The following RBFOX1 variants were observed in gnomAD, a reference collection of about 807,000 sequenced individuals.
RBFOX1 encodes the protein RNA binding protein fox-1 homolog 1.
Under a neutral mutation model 57.7 loss-of-function variants are expected in RBFOX1, and 8 were observed. That is an observed-to-expected ratio of 0.14 (90% CI 0.08 to 0.25). The LOEUF is 0.25. Among genes scored for constraint, RBFOX1 ranks in the 10% least tolerant of loss-of-function variants. The probability of loss-of-function intolerance (pLI) is 1.00; values close to 1 mark genes in which losing one functional copy is unlikely to be tolerated. For missense variants in RBFOX1, 611 were observed against 548.5 expected, an observed-to-expected ratio of 1.11 and a Z score of -1.14; for synonymous variants, 326 against 222.4, an observed-to-expected ratio of 1.47 and a Z score of -4.15.
chr16:7,074,993 A>G (rs1197330235), intron 4 of RBFOX1, among the ~76,000 whole-genome samples: 1 of 152,152 alleles, frequency 6.6e-6, no homozygotes, highest in African/African-American at 2.4e-5. Context: ...AAGGGAAGTC[A>G]AAGGGTGAGA....
intron 3 of RBFOX1, among the ~76,000 whole-genome samples, chr16:6,767,947 T>TAATAATAATAATAATAAG (rs1410744665): frequency 6.9e-5 from 7 of 101,042 alleles, no homozygotes; most frequent in Admixed American, 2.0e-4. Flanking sequence ...ATAATAATAA[T>TAATAATAATAATAATAAG]AAGAAGAAGA....
intron 3 of RBFOX1, among the ~76,000 whole-genome samples, chr16:6,724,922 T>C (rs1205850555): frequency 6.6e-6 from 1 of 152,152 alleles, no homozygotes; most frequent in Non-Finnish European, 1.5e-5. Flanking sequence ...CTGTAGCATT[T>C]GTAAACTGTC....
At chr16:7,040,959 A>G (rs1405909242) in intron 3 of RBFOX1, among the ~76,000 whole-genome samples, 1 of 151,458 alleles carries the variant, frequency 6.6e-6, no homozygotes, top group Non-Finnish European at 1.5e-5. Flanking sequence ...TCTGTCCCCC[A>G]GGCTGGAGTG....
At chr16:5,644,224 GT>G (rs1312882167) in intron 3 of RBFOX1, among the ~76,000 whole-genome samples, 1 of 152,150 alleles carries the variant, frequency 6.6e-6, no homozygotes, top group African/African-American at 2.4e-5. Context: ...TTTAAAAAAA[GT>G]AAATTGGGGC....
intron 5 of RBFOX1, among the ~76,000 whole-genome samples, chr16:7,539,386 C>G (rs1466273983): frequency 6.6e-6 from 1 of 152,110 alleles, no homozygotes; most frequent in East Asian, 1.9e-4. Flanking sequence ...TCATCTCTCT[C>G]TATTCCCAGT....
chr16:6,447,595 T>A (rs1356115934), intron 2 of RBFOX1, among the ~76,000 whole-genome samples: 1 of 152,210 alleles, frequency 6.6e-6, no homozygotes, highest in African/African-American at 2.4e-5. Flanking sequence ...TGTCGCTATA[T>A]GCATATGAAT....
intron 3 of RBFOX1, among the ~76,000 whole-genome samples, chr16:7,034,848 C>CTTTTTTCTTTTTTTTTTTTTTTT (rs2043889136): frequency 3.2e-5 from 1 of 30,830 alleles, no homozygotes; most frequent in Admixed American, 4.4e-4. Context: ...TTTCTTTTTT[C>CTTTTTTCTTTTTTTTTTTTTTTT]TTTTTTTTTT....
chr16:6,882,047 GTGA>G (rs2063049803), intron 3 of RBFOX1, among the ~76,000 whole-genome samples: 2 of 152,116 alleles, frequency 1.3e-5, no homozygotes, highest in Non-Finnish European at 2.9e-5. Context: ...TGGAAAAATG[GTGA>G]TGTCAGTCTT....
intron 2 of RBFOX1, among the ~76,000 whole-genome samples, chr16:6,642,094 G>C (rs992856737): frequency 1.3e-5 from 2 of 152,132 alleles, no homozygotes; most frequent in Non-Finnish European, 2.9e-5. Context: ...TATGTTTTAG[G>C]TGCTGGGGTC....
At chr16:6,184,920 A>G (rs1402371230) in intron 1 of RBFOX1, among the ~76,000 whole-genome samples, 1 of 152,140 alleles carries the variant, frequency 6.6e-6, no homozygotes, top group Non-Finnish European at 1.5e-5. Flanking sequence ...TAGTTCCAAG[A>G]TGGATTGCAA....
At chr16:7,457,565 C>A in intron 4 of RBFOX1, among the ~76,000 whole-genome samples, 1 of 152,128 alleles carries the variant, frequency 6.6e-6, no homozygotes, top group East Asian at 1.9e-4. Flanking sequence ...CCCTGGAGCT[C>A]TTTGATGCTC....
At chr16:5,377,665 CG>C (rs541448539) in intron 1 of RBFOX1, among the ~76,000 whole-genome samples, 95 of 151,274 alleles carry the variant, frequency 6.3e-4, no homozygotes, top group Non-Finnish European at 1.1e-3. Flanking sequence ...GAGGCAGAGA[CG>C]GAAGTTGAAT....
chr16:6,280,959 G>C (rs754520615), intron 1 of RBFOX1, among the ~76,000 whole-genome samples: 7 of 149,764 alleles, frequency 4.7e-5, no homozygotes, highest in Non-Finnish European at 8.8e-5. Context: ...ACATATGTGT[G>C]TGTGTGTGTA....
At chr16:5,309,620 A>G (rs1398469765) in intron 1 of RBFOX1, among the ~76,000 whole-genome samples, 1 of 152,180 alleles carries the variant, frequency 6.6e-6, no homozygotes, top group Non-Finnish European at 1.5e-5. Context: ...TGAATAGTGT[A>G]CATTGTACCT....
chr16:6,674,157 T>C (rs111639957), intron 3 of RBFOX1, among the ~76,000 whole-genome samples: 11 of 152,102 alleles, frequency 7.2e-5, no homozygotes, highest in African/African-American at 2.4e-4. Context: ...TTGAATAGAG[T>C]CCTCCAGAAA....
intron 2 of RBFOX1, among the ~76,000 whole-genome samples, chr16:6,624,839 C>G (rs1286666538): frequency 6.6e-6 from 1 of 152,056 alleles, no homozygotes; most frequent in Non-Finnish European, 1.5e-5. Flanking sequence ...TATAACCCCC[C>G]ATGTAAGACC....
chr16:6,263,578 A>G (rs1028452999), intron 1 of RBFOX1, among the ~76,000 whole-genome samples: 1 of 152,242 alleles, frequency 6.6e-6, no homozygotes, highest in East Asian at 1.9e-4. Flanking sequence ...CTTGTGCCCA[A>G]TTCAACAAGA....
At chr16:6,753,287 G>A (rs933237417) in intron 3 of RBFOX1, among the ~76,000 whole-genome samples, 2 of 152,176 alleles carry the variant, frequency 1.3e-5, no homozygotes, top group Admixed American at 6.5e-5. Flanking sequence ...ATATATGGAT[G>A]TTTGCTGTAA....
At position 6,200,945 on chromosome 16, in the gene RBFOX1, GTT is replaced by G. The variant is rs58118698; in HGVS notation, c.-126-116036_-126-116035del. On this transcript the variant is annotated intron_variant, in intron 1 of 15. Transcript: ENST00000550418. ...GAGTTTTCGGTGTTAACTTAGTGAG[GTT>G]TTTTTTTTTTTTTAAGTGAAATCGA... Among the ~76,000 whole-genome samples, 1,329 of 135,518 alleles carry G rather than the reference GTT, an allele frequency of 9.8e-3. 13 individuals carry two copies. The highest frequency in any genetic ancestry group is 0.019 in the Middle Eastern group (5 of 262). 88.9% of individuals were successfully genotyped at this position (135,518 alleles called of 152,430 possible).
Sources: gnomAD v4.1 joint callset for allele counts (sites outside exome capture counted in the v4.1 genomes callset) on GRCh38, gnomAD v4.1.1 for gene constraint, MANE v1.5 for transcripts, NCBI Gene and HGNC (gene_info 2026-07-23, HGNC 2026-07-21) for gene names.